The following SESN1 variants were observed in gnomAD, a reference collection of about 807,000 sequenced individuals.
The protein encoded by SESN1 is sestrin 1, also known as sestrin-1.
A neutral mutation model predicts 59.3 loss-of-function variants in SESN1; 30 were observed. That is an observed-to-expected ratio of 0.51 (90% CI 0.38 to 0.69). The LOEUF (loss-of-function observed/expected upper bound fraction) is 0.69. Ranked by LOEUF, SESN1 falls within the 30% of genes least tolerant of loss-of-function variation. The pLI is 0.00. For synonymous variants in SESN1, 197 were observed against 219.9 expected (o/e 0.90, Z 0.92); for missense variants, 566 against 673.0 (o/e 0.84, Z 1.76).
rs1779210188 is a variant in SESN1 at position 108,986,811 on chromosome 6, G to A, written c.*733C>T. 2 of 152,190 alleles carry A rather than the reference G, an allele frequency of 1.3e-5. No homozygotes were observed. The highest frequency in any genetic ancestry group is 1.3e-4 in the Admixed American group (2 of 15,276). 9.4% of individuals were successfully genotyped at this position (152,190 alleles called of 1,614,324 possible). The stretch of plus-strand genomic sequence containing the variant: ...GATCCTGTGAAACAGCATATCAAAA[G>A]ATCGCCAGCTTCTTATAATTTACAC... On this transcript the variant is annotated 3_prime_UTR_variant, in exon 10 of 10. Coordinates refer to ENST00000436639, the MANE Select transcript of SESN1 (RefSeq NM_014454.3).
intron 1 of SESN1, among the ~76,000 whole-genome samples, chr6:109,076,103 T>C (rs993170904): frequency 1.4e-4 from 22 of 152,234 alleles, no homozygotes; most frequent in Admixed American, 2.0e-4. Context: ...CATGCTTCAG[T>C]GACCAGACCA....
At chr6:109,002,527 T>C (rs971475586) in intron 1 of SESN1, among the ~76,000 whole-genome samples, 184 bp from the exon 2 acceptor site, 42 of 152,196 alleles carry the variant, frequency 2.8e-4, no homozygotes, top group Admixed American at 2.2e-3. Flanking sequence ...CAGCTTATAA[T>C]ACAACTCTGA....
At chr6:109,092,748 C>A (rs185618782) in intron 1 of SESN1, among the ~76,000 whole-genome samples, 5 of 152,192 alleles carry the variant, frequency 3.3e-5, no homozygotes, top group Admixed American at 2.0e-4. Context: ...ACTTCAGTTA[C>A]CTAGTATATT....
At chr6:109,063,892 T>TAA (rs901805750) in intron 1 of SESN1, among the ~76,000 whole-genome samples, 4 of 141,222 alleles carry the variant, frequency 2.8e-5, no homozygotes, top group Non-Finnish European at 4.7e-5. Flanking sequence ...AGTTATCCTT[T>TAA]AAAAAAAAAA....
At chr6:109,051,857 C>A (rs1780548241) in intron 1 of SESN1, among the ~76,000 whole-genome samples, 1 of 152,180 alleles carries the variant, frequency 6.6e-6, no homozygotes, top group South Asian at 2.1e-4. Context: ...CGAACAAAGG[C>A]AAGTTAGCCA....
intron 1 of SESN1, among the ~76,000 whole-genome samples, chr6:109,075,140 G>A (rs17070143): frequency 0.072 from 10,988 of 152,138 alleles, 951 homozygotes; most frequent in African/African-American, 0.21. Flanking sequence ...ACTAGCTGAA[G>A]CACACTCTAT....
intron 1 of SESN1, among the ~76,000 whole-genome samples, chr6:109,032,515 G>T (rs1198248865): frequency 6.6e-6 from 1 of 151,978 alleles, no homozygotes; most frequent in Non-Finnish European, 1.5e-5. Flanking sequence ...CTATTGGGGA[G>T]GCTGAGGCAG....
Position 108,992,867 on chromosome 6 carries a change from A to C in SESN1, c.1153T>G (p.Ser385Ala), listed in dbSNP as rs781780594. The change falls in exon 7 of 10, where the codon TCT becomes GCT. Residue 385 changes from serine (S) to alanine (A), a missense_variant. Ser to Ala is a moderately conservative substitution (Grantham distance 99). Transcript: ENST00000436639. ...TAACTAGTATCCTCAAAATGACGAG[A>C]TACAGCTCTTGCTGGTGTAACTTCT... is the stretch of plus-strand genomic sequence containing the variant. Reference protein sequence around the residue: ...DEEVTPARAVSRHFEDTSYGY... With the variant: ...DEEVTPARAVARHFEDTSYGY... 2 of 1,613,498 alleles carry C rather than the reference A, an allele frequency of 1.2e-6. No individual in the cohort carries two copies. Among genetic ancestry groups the C allele is most frequent in the Non-Finnish European group, 1.7e-6 (2 of 1,179,588 alleles).
At chr6:108,990,859 T>C (rs1207704957) in intron 7 of SESN1, 24 bp from the exon 8 acceptor site, 1 of 1,587,928 alleles carries the variant, frequency 6.3e-7, no homozygotes, top group Non-Finnish European at 8.6e-7. Flanking sequence ...ATAGAACAAA[T>C]GTGAATAAAT....
chr6:109,066,984 T>C (rs948019099), intron 1 of SESN1, among the ~76,000 whole-genome samples: 2 of 152,220 alleles, frequency 1.3e-5, no homozygotes, highest in African/African-American at 4.8e-5. Flanking sequence ...CTGGTTCTTC[T>C]GGTGCAATAT....
intron 1 of SESN1, among the ~76,000 whole-genome samples, chr6:109,044,597 C>T (rs929408454): frequency 2.6e-5 from 4 of 152,124 alleles, no homozygotes; most frequent in South Asian, 2.1e-4. Flanking sequence ...AATGATCTCA[C>T]GCTTTCATCA....
At chr6:109,082,510 T>C (rs773886442) in intron 1 of SESN1, among the ~76,000 whole-genome samples, 1 of 152,184 alleles carries the variant, frequency 6.6e-6, no homozygotes, top group Non-Finnish European at 1.5e-5. Context: ...TATCCTCCAA[T>C]GCTGTCCAGG....
intron 1 of SESN1, among the ~76,000 whole-genome samples, chr6:109,024,042 T>C (rs900681609): frequency 6.6e-6 from 1 of 152,194 alleles, no homozygotes; most frequent in Non-Finnish European, 1.5e-5. Context: ...AAAATAGATG[T>C]TGACTATTGA....
chr6:108,998,906 G>T, intron 4 of SESN1, 151 bp from the exon 5 acceptor site: 1 of 875,270 alleles, frequency 1.1e-6, no homozygotes, highest in Non-Finnish European at 1.6e-6. Flanking sequence ...CCCAGAATTT[G>T]CTAATTTTTA....
intron 1 of SESN1, among the ~76,000 whole-genome samples, chr6:109,015,965 A>G (rs1230507858): frequency 6.6e-6 from 1 of 152,196 alleles, no homozygotes. Flanking sequence ...GTAACCTATA[A>G]TTTTAAATAC....
intron 1 of SESN1, among the ~76,000 whole-genome samples, chr6:109,005,388 C>T (rs974364189): frequency 6.6e-6 from 1 of 152,152 alleles, no homozygotes; most frequent in African/African-American, 2.4e-5. Flanking sequence ...GATTCAATTT[C>T]TAGGCCTTTA....
In SESN1 at chr6:109,053,046, ATG is replaced by A. The variant is rs148045407; in HGVS notation, c.279+40747_279+40748del. Among the ~76,000 whole-genome samples the A allele has an allele frequency of 8.6e-4, 127 of 147,022 alleles. 1 individual carries two copies. The highest frequency in any genetic ancestry group is 3.1e-3 in the East Asian group (16 of 5,108). On this transcript the variant is annotated intron_variant, in intron 1 of 9. Coordinates refer to ENST00000436639, the MANE Select transcript of SESN1 (RefSeq NM_014454.3). ...ATAAAAGGAGCTGTTCAAGACTAGG[ATG>A]TGTGTGTGTGTGTGTGTGCGTGCGT...
intron 2 of SESN1, 62 bp downstream of exon 2, chr6:109,002,215 TG>T (rs2114310620): frequency 7.1e-7 from 1 of 1,412,518 alleles, no homozygotes; most frequent in East Asian, 2.3e-5. Flanking sequence ...TGCCAACATG[TG>T]GGTCATGAAA....
chr6:109,004,438 CTTT>C (rs776158699), intron 1 of SESN1, among the ~76,000 whole-genome samples: 9 of 142,668 alleles, frequency 6.3e-5, no homozygotes, highest in Non-Finnish European at 9.3e-5. Context: ...CCCCAACAAT[CTTT>C]TTTTTTTTTT....
Sources: gnomAD v4.1 joint callset for allele counts (sites outside exome capture counted in the v4.1 genomes callset) on GRCh38, gnomAD v4.1.1 for gene constraint, MANE v1.5 for transcripts, NCBI Gene and HGNC (gene_info 2026-07-23, HGNC 2026-07-21) for gene names.